Variants in ATXN2 observed in about 807,000 individuals in gnomAD.
ATXN2 encodes ataxin 2.
In ATXN2, 37 loss-of-function variants were observed where a neutral mutation model predicts 138.6. That is an observed-to-expected ratio of 0.27 (90% CI 0.21 to 0.35). ATXN2 has a LOEUF of 0.35. Among genes scored for constraint, ATXN2 ranks in the 10% least tolerant of loss-of-function variants. The pLI, the probability that ATXN2 is intolerant of heterozygous loss-of-function variation, is 1.00. For missense variants in ATXN2, 1,216 were observed against 1,480.3 expected (o/e 0.82, Z 2.93); for synonymous variants, 549 against 543.7 (o/e 1.01, Z -0.13).
At chr12:111,475,995 A>G (rs56142475) in intron 18 of ATXN2, among the ~76,000 whole-genome samples, 15,710 of 152,274 alleles carry the variant, frequency 0.1, 2,706 homozygotes, top group African/African-American at 0.36. Flanking sequence ...TCTGTCACCC[A>G]GGCTGGAGTA....
chr12:111,531,443 T>TA (rs1034280282), intron 5 of ATXN2, among the ~76,000 whole-genome samples: 11 of 152,036 alleles, frequency 7.2e-5, no homozygotes, highest in Admixed American at 2.0e-4. Flanking sequence ...AATAAATAAA[T>TA]AAAAAATATG....
At chr12:111,517,222 T>C (rs1048317739) in intron 9 of ATXN2, among the ~76,000 whole-genome samples, 8 of 152,150 alleles carry the variant, frequency 5.3e-5, no homozygotes, top group South Asian at 2.1e-4. Context: ...CTCCTCTCCA[T>C]AGGGTTCCAC....
chr12:111,552,958 T>G lies in ATXN2; in HGVS notation c.368A>C (p.Gln123Pro). The G allele has an allele frequency of 6.4e-7, 1 of 1,566,484 alleles. No homozygotes were observed. Among genetic ancestry groups the G allele is most frequent in the Non-Finnish European group, 8.6e-7 (1 of 1,161,374 alleles). ...TSVVGSKCEV[Q>P]VKNGGIYEGV... ...TTCATATATACCTCCATTTTTCACTTGTACTTCACATTTGGAGCCCTAAAA... is the reference window on the plus strand; with the variant it reads ...TTCATATATACCTCCATTTTTCACTGGTACTTCACATTTGGAGCCCTAAAA... The change falls in exon 4 of 25, where the codon CAA becomes CCA. Residue 123 changes from glutamine (Q) to proline (P), a missense_variant. By Grantham distance (76) the Gln-to-Pro change is moderately conservative (BLOSUM62 -1). Transcript: ENST00000673436. This position sits in a 1 kb window ranked among gnomAD's most constrained non-coding sequence, Gnocchi z 4.1.
intron 5 of ATXN2, among the ~76,000 whole-genome samples, chr12:111,543,043 C>T (rs1325898106): frequency 1.3e-5 from 2 of 152,102 alleles, no homozygotes; most frequent in African/African-American, 4.8e-5. Flanking sequence ...CTGTGTACCA[C>T]GAACTATTCT....
chr12:111,513,383 C>G lies in ATXN2; in HGVS notation c.1532G>C (p.Gly511Ala). The change falls in exon 11 of 25, where the codon GGA becomes GCA. Residue 511 changes from glycine (G) to alanine (A), a missense_variant. This residue lies in a region of ATXN2 where 215 missense variants were observed against 210.0 expected (regional missense o/e 1.02). Coordinates refer to ENST00000673436, the MANE Select transcript of ATXN2 (RefSeq NM_001372574.1). The part of the protein sequence containing the change: ...PPVARTSPSG[G>A]TWSSVVSGVP... The stretch of plus-strand genomic sequence containing the variant: ...CCCACTGACCACTGATGACCACGTT[C>G]CCCCCGAGGGACTGGTCCTTGCTAC... The G allele has an allele frequency of 1.9e-6, 3 of 1,613,080 alleles. No individual in the cohort carries two copies. In the South Asian group the frequency reaches 3.3e-5, roughly 18 times the overall value.
At position 111,521,006 on chromosome 12, in the gene ATXN2, T is replaced by A. The variant is rs548601686; in HGVS notation, c.697-33A>T. 1.6e-4 allele frequency: 213 copies of A among 1,352,278 alleles called. 5 individuals carry two copies. In the South Asian group the frequency reaches 2.4e-3, roughly 15 times the overall value. The allele number at this position is 1,352,278 out of a possible 1,614,324, so 83.8% of individuals were successfully genotyped here. A position where few individuals can be genotyped will look rare whatever the true frequency, so the allele number is the denominator to read the frequency against. ...AAAATGAAGCTTGTTTTTCAAAATG[T>A]CAAAGTAGTTGTTCCCTTTCATTCA... On this transcript the variant is annotated intron_variant, in intron 6 of 24. Transcript: ENST00000673436.
intron 20 of ATXN2, chr12:111,468,453 A>G (rs1876177553): frequency 6.6e-6 from 1 of 152,248 alleles, no homozygotes; most frequent in Non-Finnish European, 1.5e-5. Context: ...ACTGTTTTAT[A>G]AAACTAAACA....
chr12:111,581,260 AAATAG>A, intron 1 of ATXN2: 1 of 396,398 alleles, frequency 2.5e-6, no homozygotes, highest in East Asian at 5.2e-5. Context: ...CTTCACCCGT[AAATAG>A]AATGAGTACT....
chr12:111,456,202 A>G lies in ATXN2; in HGVS notation c.3097T>C (p.Ser1033Pro), dbSNP rs1231206331. Residue 1033 changes from serine (S) to proline (P), a missense_variant, in exon 23 of 25, where the codon TCA (serine) becomes CCA (proline). Physicochemically the swap from Ser to Pro is moderately conservative, Grantham distance 74. Around this residue, in one of 4 missense-constraint regions of ATXN2, gnomAD observed 490 missense variants for 653.5 expected, o/e 0.75. Coordinates refer to ENST00000673436, the MANE Select transcript of ATXN2 (RefSeq NM_001372574.1). The part of the protein sequence containing the change: ...ALHLASPQQQ[S>P]AIYHAGLAPT... ...GCAAGCCCCGCGTGGTAAATGGCTG[A>G]CTGCTGCTGTGGACTGGCCAGATGG... is the stretch of plus-strand genomic sequence containing the variant. 6.2e-7 allele frequency: 1 copy of G among 1,614,250 alleles called. No homozygotes were observed. Among genetic ancestry groups the G allele is most frequent in the Admixed American group, 1.7e-5 (1 of 60,026 alleles).
At chr12:111,519,088 T>C (rs1472949876) in intron 8 of ATXN2, among the ~76,000 whole-genome samples, 1 of 152,208 alleles carries the variant, frequency 6.6e-6, no homozygotes, top group East Asian at 1.9e-4. Flanking sequence ...AGTACATCCA[T>C]TAAGTCACTT....
rs1879973687 is a variant in ATXN2 at position 111,518,416 on chromosome 12, T to C, written c.998A>G (p.Tyr333Cys). The C allele has an allele frequency of 3.1e-6, 5 of 1,599,210 alleles. No homozygotes were observed. The highest frequency in any genetic ancestry group is 4.3e-6 in the Non-Finnish European group (5 of 1,171,812). ...TCTATTTCTTTGTCCAGGAGGAATATATTTATTTTCCCTGAAAATGAGAGA... is the reference window on the plus strand; with the variant it reads ...TCTATTTCTTTGTCCAGGAGGAATACATTTATTTTCCCTGAAAATGAGAGA... ...GHSINTRENK[Y>C]IPPGQRNREV... Residue 333 changes from tyrosine (Y) to cysteine (C), a missense_variant, in exon 9 of 25, where the codon TAT becomes TGT. By Grantham distance (194) the Tyr-to-Cys change is radical. This residue lies in a region of ATXN2 where 401 missense variants were observed against 528.1 expected (regional missense o/e 0.76). Transcript: ENST00000673436.
At chr12:111,495,669 A>G (rs570724387) in intron 14 of ATXN2, among the ~76,000 whole-genome samples, 1 of 152,336 alleles carries the variant, frequency 6.6e-6, no homozygotes, top group African/African-American at 2.4e-5. Flanking sequence ...ACTCTCAGCA[A>G]TGGACAGATC....
At chr12:111,591,756 T>TTTG (rs60763632) in intron 1 of ATXN2, among the ~76,000 whole-genome samples, 10,183 of 152,070 alleles carry the variant, frequency 0.067, 1,246 homozygotes, top group East Asian at 0.56. Context: ...TTTAGGATTT[T>TTTG]TTGTTGTTGT....
chr12:111,559,530 T>C (rs1356409324), intron 1 of ATXN2, among the ~76,000 whole-genome samples: 1 of 150,980 alleles, frequency 6.6e-6, no homozygotes, highest in Non-Finnish European at 1.5e-5. Context: ...TCCCAGCACT[T>C]TGGGAGGCCG....
intron 14 of ATXN2, among the ~76,000 whole-genome samples, chr12:111,508,771 C>CTGTTA (rs1376319619): frequency 6.6e-6 from 1 of 152,028 alleles, no homozygotes; most frequent in Non-Finnish European, 1.5e-5. Context: ...AGGTTAACAA[C>CTGTTA]TGTTAATAGC....
chr12:111,504,553 G>C (rs1427065857), intron 14 of ATXN2, among the ~76,000 whole-genome samples: 16 of 152,178 alleles, frequency 1.1e-4, no homozygotes, highest in African/African-American at 3.4e-4. Context: ...GACTCCCAAA[G>C]TGCTGGGATT....
chr12:111,465,732 T>C (rs1875952467), intron 20 of ATXN2, among the ~76,000 whole-genome samples: 1 of 123,504 alleles, frequency 8.1e-6, no homozygotes, highest in South Asian at 2.6e-4. Flanking sequence ...ATCGCACCGC[T>C]GCACTTCAGA....
intron 18 of ATXN2, among the ~76,000 whole-genome samples, chr12:111,479,390 TAAAAAAAAAAAAAA>T (rs33967202): frequency 2.0e-5 from 1 of 49,864 alleles, no homozygotes; most frequent in African/African-American, 6.4e-5. Flanking sequence ...CCGTCTCTGC[TAAAAAAAAAAAAAA>T]AAAAAAAAAA....
chr12:111,545,963 A>G lies in ATXN2; in HGVS notation c.571+6317T>C, dbSNP rs1275435843. Among the ~76,000 whole-genome samples the G allele has an allele frequency of 6.6e-5, 8 of 121,042 alleles. No homozygotes were observed. The South Asian group carries it at 1.2e-3, about 18-fold the overall frequency. 79.4% of individuals were successfully genotyped at this position (121,042 alleles called of 152,430 possible). ...CTGGGCAACAGAGCAAGATCATCTG[A>G]AAAAAAAAAAAAAAAAGATGGCACG... On this transcript the variant is annotated intron_variant, in intron 5 of 24. Coordinates refer to ENST00000673436, the MANE Select transcript of ATXN2 (RefSeq NM_001372574.1).
Sources: allele counts gnomAD v4.1 joint callset (sites outside exome capture counted in the v4.1 genomes callset), GRCh38; gene constraint gnomAD v4.1.1; regional missense constraint gnomAD v4.1.1; non-coding constraint Gnocchi (gnomAD v3.1); transcripts MANE v1.5; gene names NCBI Gene and HGNC (gene_info 2026-07-23, HGNC 2026-07-21).